The following SLC68A1 variants were observed in gnomAD, a reference collection of about 807,000 sequenced individuals.
SLC68A1 encodes the protein solute carrier family 68 member 1, also known as major facilitator superfamily domain containing 13A.
the SLC68A1 span, chr10:102,475,575 T>C: frequency 1.1e-6 from 1 of 879,734 alleles, no homozygotes; most frequent in Non-Finnish European, 1.7e-6. Flanking sequence ...ATGGGAAGAG[T>C]AGGAGAGGAG....
the SLC68A1 span, chr10:102,466,087 G>A: frequency 6.6e-6 from 1 of 152,176 alleles, no homozygotes; most frequent in African/African-American, 2.4e-5. Context: ...CCCTGATCTA[G>A]GTGAGCCCAA....
chr10:102,469,160 T>C, the SLC68A1 span: 1 of 1,614,040 alleles, frequency 6.2e-7, no homozygotes, highest in Non-Finnish European at 8.5e-7. Flanking sequence ...TTTGTCTCAG[T>C]GTACAAGATC....
chr10:102,466,182 CT>C, the SLC68A1 span: 1 of 152,198 alleles, frequency 6.6e-6, no homozygotes, highest in East Asian at 1.9e-4. Context: ...TTCTGTACCC[CT>C]GTAAAGATAG....
the SLC68A1 span, chr10:102,470,969 AAGG>A: frequency 6.2e-7 from 1 of 1,612,588 alleles, no homozygotes; most frequent in East Asian, 2.3e-5. Context: ...CTTTTGGAAC[AAGG>A]AGGATTTCTC....
the SLC68A1 span, among the ~76,000 whole-genome samples, chr10:102,465,471 C>A: frequency 6.6e-6 from 1 of 151,960 alleles, no homozygotes; most frequent in African/African-American, 2.4e-5. Context: ...TTCCACGTAG[C>A]AGGCACTTGG....
the SLC68A1 span, among the ~76,000 whole-genome samples, chr10:102,464,606 A>G: frequency 9.0e-3 from 1,375 of 151,992 alleles, 18 homozygotes; most frequent in African/African-American, 0.031. Flanking sequence ...CCTGACCAAC[A>G]TGGTGAAACC....
the SLC68A1 span, chr10:102,472,106 T>C: frequency 5.3e-5 from 24 of 449,156 alleles, no homozygotes; most frequent in South Asian, 3.6e-4. Context: ...GAGGCTGCAA[T>C]GAGTTATGAT....
At chr10:102,462,383 A>G in the SLC68A1 span, among the ~76,000 whole-genome samples, 1 of 152,194 alleles carries the variant, frequency 6.6e-6, no homozygotes, top group African/African-American at 2.4e-5. Flanking sequence ...GTTAAAGATA[A>G]TGTTCACACC....
At chr10:102,468,973 C>T in the SLC68A1 span, 27 of 1,504,154 alleles carry the variant, frequency 1.8e-5, no homozygotes, top group East Asian at 2.8e-4. Flanking sequence ...ATGGGAAGAC[C>T]GCCTGTGGCC....
the SLC68A1 span, chr10:102,476,082 T>G: frequency 2.5e-5 from 33 of 1,296,372 alleles, no homozygotes; most frequent in African/African-American, 9.2e-5. Context: ...ATAGTTTTTT[T>G]TTTTTTTTTT....
chr10:102,474,030 G>A, the SLC68A1 span: 1 of 1,577,406 alleles, frequency 6.3e-7, no homozygotes, highest in Non-Finnish European at 8.6e-7. Context: ...CCTGGTAGCA[G>A]GCAAGGGCTC....
chr10:102,468,269 T>A, the SLC68A1 span: 1 of 152,196 alleles, frequency 6.6e-6, no homozygotes, highest in Non-Finnish European at 1.5e-5. Context: ...CCTAACAATC[T>A]CCTTTTACCT....
At chr10:102,473,856 A>G in the SLC68A1 span, 4 of 1,613,512 alleles carry the variant, frequency 2.5e-6, no homozygotes, top group Non-Finnish European at 3.4e-6. Flanking sequence ...TAAGCTGCTG[A>G]CCTTGGTGGT....
At chr10:102,471,550 A>C in the SLC68A1 span, among the ~76,000 whole-genome samples, 1 of 152,150 alleles carries the variant, frequency 6.6e-6, no homozygotes. Flanking sequence ...ACTTGAGGAC[A>C]GGGGTTCGAG....
the SLC68A1 span, chr10:102,471,074 G>T: frequency 6.2e-7 from 1 of 1,613,890 alleles, no homozygotes; most frequent in Non-Finnish European, 8.5e-7. Context: ...GGTTGAGGCG[G>T]CCCGAAAGGA....
chr10:102,476,051 GGT>G, the SLC68A1 span: 2 of 615,224 alleles, frequency 3.3e-6, no homozygotes, highest in South Asian at 3.9e-5. Context: ...AGTTTTTTTT[GGT>G]TTTTTTTTTA....
the SLC68A1 span, chr10:102,476,727 T>C: frequency 1.0e-6 from 1 of 986,212 alleles, no homozygotes; most frequent in Non-Finnish European, 1.2e-6. Flanking sequence ...GGGAGGGGGC[T>C]GCCCTGTGGT....
At chr10:102,466,576 CTCT>C in the SLC68A1 span, among the ~76,000 whole-genome samples, 1 of 151,930 alleles carries the variant, frequency 6.6e-6, no homozygotes, top group African/African-American at 2.4e-5. Context: ...TGAGGTTACA[CTCT>C]TAGTAGGAAG....
the SLC68A1 span, chr10:102,461,478 C>T: frequency 1.3e-5 from 2 of 152,272 alleles, no homozygotes; most frequent in East Asian, 1.9e-4. Flanking sequence ...GGCCGGGGCT[C>T]GCGGGCAGGA....
Sources: gnomAD v4.1 joint callset for allele counts (sites outside exome capture counted in the v4.1 genomes callset) on GRCh38, gnomAD v4.1.1 for gene constraint, MANE v1.5 for transcripts, NCBI Gene and HGNC (gene_info 2026-07-23, HGNC 2026-07-21) for gene names.